The following SLC24A2 variants were observed in gnomAD, a reference collection of about 807,000 sequenced individuals.
SLC24A2 encodes solute carrier family 24 member 2, also known as sodium/potassium/calcium exchanger 2.
SLC24A2 carries 36 observed loss-of-function variants against 62.0 expected under a neutral mutation model. The ratio of observed to expected loss-of-function variants is 0.58; its 90% CI spans 0.44 to 0.77. The LOEUF (loss-of-function observed/expected upper bound fraction) is 0.77, where lower values mean the gene tolerates loss of function less well. Among genes scored for constraint, SLC24A2 ranks in the 30% least tolerant of loss-of-function variants. The pLI is 0.00. For missense variants in SLC24A2, 846 were observed against 817.9 expected, an observed-to-expected ratio of 1.03 and a Z score of -0.42; for synonymous variants, 358 against 294.0, an observed-to-expected ratio of 1.22 and a Z score of -2.23.
chr9:19,793,416 T>G (rs958714227), upstream of SLC24A2, among the ~76,000 whole-genome samples: 1 of 152,200 alleles, frequency 6.6e-6, no homozygotes, highest in Admixed American at 6.5e-5. Context: ...TCTCATGGAC[T>G]GAAGCAAATC....
intron 5 of SLC24A2, among the ~76,000 whole-genome samples, chr9:19,590,120 T>C (rs571715198): frequency 1.6e-3 from 248 of 152,148 alleles, no homozygotes; most frequent in African/African-American, 5.0e-3. Flanking sequence ...TACTTTACCA[T>C]GGCAAACTGC....
At position 19,772,342 on chromosome 9, in the gene SLC24A2, C is replaced by G. The variant is rs567803580; in HGVS notation, c.930+13595G>C. 3.3e-5 allele frequency among the ~76,000 whole-genome samples: 5 copies of G among 152,268 alleles called. No homozygotes were observed. The South Asian group carries it at 1.0e-3, about 32-fold the overall frequency. ...GTTGATCCAAGGGTCTCAAATCACT[C>G]TAGATAAAAATGTGCTTAGAAAACA... On this transcript the variant is annotated intron_variant, in intron 2 of 10. Transcript: ENST00000341998.
At chr9:20,068,903 G>A in the SLC24A2 span, among the ~76,000 whole-genome samples, 1 of 152,152 alleles carries the variant, frequency 6.6e-6, no homozygotes, top group South Asian at 2.1e-4. Flanking sequence ...ATGACTCCTA[G>A]TTCTTTATTT....
At chr9:19,708,143 C>A (rs1383504846) in intron 2 of SLC24A2, among the ~76,000 whole-genome samples, 2 of 152,116 alleles carry the variant, frequency 1.3e-5, no homozygotes, top group African/African-American at 4.8e-5. Context: ...CATGAGTGAA[C>A]TCCCATTCAC....
the SLC24A2 span, among the ~76,000 whole-genome samples, chr9:20,070,998 T>C: frequency 6.4e-4 from 97 of 152,312 alleles, 1 homozygote; most frequent in East Asian, 0.017. Context: ...GATGCTGTTG[T>C]TGTGATAGTG....
the SLC24A2 span, among the ~76,000 whole-genome samples, chr9:20,190,965 T>A: frequency 6.6e-6 from 1 of 152,216 alleles, no homozygotes; most frequent in African/African-American, 2.4e-5. Context: ...TATTTTTCCA[T>A]GCTCTTCTCA....
intron 2 of SLC24A2, among the ~76,000 whole-genome samples, chr9:19,783,853 A>G (rs1177821562): frequency 6.6e-6 from 1 of 151,924 alleles, no homozygotes. Context: ...TTAGTTAACC[A>G]ATGTCAAAAG....
the SLC24A2 span, among the ~76,000 whole-genome samples, chr9:19,796,810 A>T: frequency 6.6e-6 from 1 of 152,112 alleles, no homozygotes; most frequent in East Asian, 1.9e-4. Flanking sequence ...TTTTACTTGC[A>T]GTGTTCTATA....
chr9:19,610,995 C>T (rs763317152), intron 4 of SLC24A2, among the ~76,000 whole-genome samples: 2 of 152,122 alleles, frequency 1.3e-5, no homozygotes, highest in African/African-American at 4.8e-5. Context: ...CATACGTTCA[C>T]GGGGACAAGT....
chr9:20,102,031 G>T, the SLC24A2 span, among the ~76,000 whole-genome samples: 1 of 152,132 alleles, frequency 6.6e-6, no homozygotes, highest in Non-Finnish European at 1.5e-5. Context: ...TTCTGTGCAA[G>T]CTCTTGTGTT....
At chr9:20,069,316 T>G in the SLC24A2 span, among the ~76,000 whole-genome samples, 2 of 152,236 alleles carry the variant, frequency 1.3e-5, no homozygotes, top group African/African-American at 2.4e-5. Flanking sequence ...GATTTAAATT[T>G]TCCATAAAGT....
chr9:19,751,130 T>C (rs900414847), intron 2 of SLC24A2, among the ~76,000 whole-genome samples: 2 of 152,158 alleles, frequency 1.3e-5, no homozygotes, highest in African/African-American at 2.4e-5. Context: ...CTTATTTGCT[T>C]TGAACCCCTA....
At chr9:19,968,312 T>C in the SLC24A2 span, among the ~76,000 whole-genome samples, 5 of 152,208 alleles carry the variant, frequency 3.3e-5, no homozygotes, top group African/African-American at 1.2e-4. Context: ...TGTTTTCTTT[T>C]CTTTTTAACC....
chr9:19,842,462 G>A, the SLC24A2 span, among the ~76,000 whole-genome samples: 1 of 152,320 alleles, frequency 6.6e-6, no homozygotes, highest in Admixed American at 6.5e-5. Context: ...CTTTGAATCA[G>A]AGGTTATTAT....
At chr9:20,255,312 TG>T in the SLC24A2 span, among the ~76,000 whole-genome samples, 1 of 152,212 alleles carries the variant, frequency 6.6e-6, no homozygotes, top group Non-Finnish European at 1.5e-5. Context: ...AGTTTTGCCA[TG>T]GGGTGGCATT....
the SLC24A2 span, among the ~76,000 whole-genome samples, chr9:19,939,609 G>T: frequency 2.6e-3 from 397 of 152,152 alleles, 1 homozygote; most frequent in Non-Finnish European, 4.6e-3. Context: ...TGTAAACAAC[G>T]GTAGACTTTA....
the SLC24A2 span, among the ~76,000 whole-genome samples, chr9:19,835,668 G>A: frequency 1.3e-5 from 2 of 152,174 alleles, no homozygotes; most frequent in Non-Finnish European, 2.9e-5. Flanking sequence ...ACAGATCAAC[G>A]AGACAGAAAG....
At chr9:19,516,501 A>T in intron 10 of SLC24A2, 99 bp from the exon 11 acceptor site, 1 of 1,392,522 alleles carries the variant, frequency 7.2e-7, no homozygotes, top group South Asian at 1.3e-5. Context: ...CCTTCTCAGG[A>T]ACTCTAAACT....
chr9:19,643,548 C>T (rs145499309), intron 2 of SLC24A2, among the ~76,000 whole-genome samples: 55 of 152,240 alleles, frequency 3.6e-4, no homozygotes, highest in African/African-American at 8.9e-4. Context: ...CTAATCCAGA[C>T]GTGTCAGATG....
Sources: allele counts gnomAD v4.1 joint callset (sites outside exome capture counted in the v4.1 genomes callset), GRCh38; gene constraint gnomAD v4.1.1; transcripts MANE v1.5; gene names NCBI Gene and HGNC (gene_info 2026-07-23, HGNC 2026-07-21).